The following PTPRN2 variants were observed in gnomAD, a reference collection of about 807,000 sequenced individuals.
The protein encoded by PTPRN2 is protein tyrosine phosphatase receptor type N2.
A neutral mutation model predicts 118.8 loss-of-function variants in PTPRN2; 74 were observed. The ratio of observed to expected loss-of-function variants is 0.62; its 90% CI spans 0.52 to 0.76. The LOEUF is 0.76. Among genes scored for constraint, PTPRN2 ranks in the 30% least tolerant of loss-of-function variants. The pLI is 0.00. For synonymous variants in PTPRN2, 641 were observed against 608.0 expected (o/e 1.05, Z -0.80); for missense variants, 1,481 against 1,394.4 (o/e 1.06, Z -0.99).
chr7:158,359,332 T>C (rs532174008), intron 2 of PTPRN2, among the ~76,000 whole-genome samples: 1 of 152,320 alleles, frequency 6.6e-6, no homozygotes, highest in South Asian at 2.1e-4. Context: ...TAATGGATGT[T>C]TTTTCAAGAA....
chr7:158,317,509 T>C (rs1802434173), intron 2 of PTPRN2, among the ~76,000 whole-genome samples: 2 of 152,244 alleles, frequency 1.3e-5, no homozygotes, highest in East Asian at 1.9e-4. Context: ...TCCATTTGTC[T>C]GAAATGGCAG....
At chr7:158,052,957 G>A (rs1295885140) in intron 11 of PTPRN2, among the ~76,000 whole-genome samples, 6 of 152,118 alleles carry the variant, frequency 3.9e-5, no homozygotes, top group Admixed American at 2.6e-4. Flanking sequence ...ACTGCACCTC[G>A]GGGGCTCCTG....
chr7:158,012,737 G>A (rs189886128), intron 11 of PTPRN2, among the ~76,000 whole-genome samples: 306 of 152,252 alleles, frequency 2.0e-3, no homozygotes, highest in African/African-American at 7.0e-3. Context: ...CATCAGCTCC[G>A]GCCATCACAT....
chr7:158,560,425 C>T (rs1427394378), intron 1 of PTPRN2, among the ~76,000 whole-genome samples: 2 of 152,238 alleles, frequency 1.3e-5, no homozygotes, highest in Non-Finnish European at 1.5e-5. Flanking sequence ...GTTTTGGCCT[C>T]GCTAGGGGAC....
intron 1 of PTPRN2, among the ~76,000 whole-genome samples, chr7:158,516,061 T>C (rs894724086): frequency 6.6e-6 from 1 of 152,178 alleles, no homozygotes; most frequent in African/African-American, 2.4e-5. Context: ...CACAGAAGCC[T>C]CTCTGGGCTT....
At chr7:157,895,093 G>T (rs765869236) in intron 12 of PTPRN2, among the ~76,000 whole-genome samples, 1 of 152,134 alleles carries the variant, frequency 6.6e-6, no homozygotes, top group African/African-American at 2.4e-5. Flanking sequence ...AGCAGGAGCT[G>T]TAGAAAGCGA....
At chr7:157,841,073 T>TGCACTCGCTCCCA (rs1462976003) in intron 12 of PTPRN2, among the ~76,000 whole-genome samples, 11 of 152,254 alleles carry the variant, frequency 7.2e-5, no homozygotes, top group African/African-American at 2.4e-4. Context: ...GTGTCCGCCC[T>TGCACTCGCTCCCA]GCACTCGCTC....
chr7:157,559,469 G>A lies in PTPRN2; in HGVS notation c.2902+9433C>T, dbSNP rs548917231. Among the ~76,000 whole-genome samples the A allele has an allele frequency of 2.6e-5, 4 of 152,332 alleles. No homozygotes were observed. The South Asian group carries it at 8.3e-4, about 32-fold the overall frequency. ...GAGGAATGAGGGAAGGACAGAGTGGGTGGGAGCGAGAGCAGAGGAGATGGA... is the reference window on the plus strand; with the variant it reads ...GAGGAATGAGGGAAGGACAGAGTGGATGGGAGCGAGAGCAGAGGAGATGGA... On this transcript the variant is annotated intron_variant, in intron 21 of 22. Coordinates refer to ENST00000389418, the MANE Select transcript of PTPRN2 (RefSeq NM_002847.5).
At chr7:158,523,211 G>T (rs963874997) in intron 1 of PTPRN2, among the ~76,000 whole-genome samples, 1 of 152,158 alleles carries the variant, frequency 6.6e-6, no homozygotes, top group Non-Finnish European at 1.5e-5. Context: ...GGTCTGGGGA[G>T]CCCCAGTGTG....
chr7:158,029,404 C>T (rs1316808986), intron 11 of PTPRN2: 1 of 152,320 alleles, frequency 6.6e-6, no homozygotes, highest in Non-Finnish European at 1.5e-5. Context: ...CATTTCTCAA[C>T]ATCAGGCTTC....
intron 5 of PTPRN2, among the ~76,000 whole-genome samples, chr7:158,188,112 G>A (rs1047463742): frequency 3.3e-5 from 5 of 151,166 alleles, no homozygotes; most frequent in African/African-American, 7.3e-5. Context: ...AGCTCCCAAC[G>A]GAAGGGATGT....
At chr7:158,373,642 A>G (rs1810273083) in intron 2 of PTPRN2, among the ~76,000 whole-genome samples, 1 of 152,224 alleles carries the variant, frequency 6.6e-6, no homozygotes, top group Non-Finnish European at 1.5e-5. Context: ...TTTCTGTGCA[A>G]TTAATGTGAT....
intron 14 of PTPRN2, among the ~76,000 whole-genome samples, chr7:157,633,727 G>C (rs1804111738): frequency 6.6e-6 from 1 of 152,200 alleles, no homozygotes; most frequent in African/African-American, 2.4e-5. Flanking sequence ...CCCAGGGCAG[G>C]AGGGCGTGGC....
chr7:158,404,210 G>C (rs926743600), intron 2 of PTPRN2, among the ~76,000 whole-genome samples: 1 of 152,232 alleles, frequency 6.6e-6, no homozygotes, highest in African/African-American at 2.4e-5. Flanking sequence ...GACGTCACCA[G>C]AACACCTGTG....
intron 6 of PTPRN2, among the ~76,000 whole-genome samples, chr7:158,166,690 C>T (rs73745193): frequency 0.02 from 2,991 of 152,110 alleles, 76 homozygotes; most frequent in African/African-American, 0.061. Context: ...GATCACCTCC[C>T]GCCTCTCACT....
Position 158,153,421 on chromosome 7 carries a change from G to A in PTPRN2, c.910+13510C>T, listed in dbSNP as rs141601422. 7.8e-3 allele frequency among the ~76,000 whole-genome samples: 1,188 copies of A among 152,268 alleles called. 6 individuals carry two copies. Among genetic ancestry groups the A allele is most frequent in the Middle Eastern group, 0.017 (5 of 294 alleles). ...AAATTAAAGGAGCGAAACCAAAAGA[G>A]CACCCTGTAACACATGCCCACTGGG... is the stretch of plus-strand genomic sequence containing the variant. On this transcript the variant is annotated intron_variant, in intron 6 of 22. Transcript: ENST00000389418.
chr7:157,927,956 G>A (rs944755537), intron 11 of PTPRN2, among the ~76,000 whole-genome samples: 1 of 152,112 alleles, frequency 6.6e-6, no homozygotes, highest in Non-Finnish European at 1.5e-5. Flanking sequence ...ACTAGGGCTG[G>A]GGTCAGGAGA....
intron 13 of PTPRN2, among the ~76,000 whole-genome samples, chr7:157,657,960 AACAGACACACACACACCACACACACGTC>A (rs1795676121): frequency 1.6e-5 from 1 of 60,746 alleles, no homozygotes; most frequent in African/African-American, 4.9e-5. Context: ...ACACATATGT[AACAGACACACACACACCACACACACGTC>A]ACAGACACAC....
chr7:158,150,973 C>G (rs1364622423), intron 6 of PTPRN2, among the ~76,000 whole-genome samples: 1 of 151,952 alleles, frequency 6.6e-6, no homozygotes, highest in Non-Finnish European at 1.5e-5. Flanking sequence ...CTGCTTACAG[C>G]AATGTCTGTT....
Sources: allele counts gnomAD v4.1 joint callset (sites outside exome capture counted in the v4.1 genomes callset), GRCh38; gene constraint gnomAD v4.1.1; transcripts MANE v1.5; gene names NCBI Gene and HGNC (gene_info 2026-07-23, HGNC 2026-07-21).